The following TNR variants were observed in gnomAD, a reference collection of about 807,000 sequenced individuals.
TNR encodes tenascin R.
TNR carries 45 observed loss-of-function variants against 150.4 expected under a neutral mutation model. The ratio of observed to expected loss-of-function variants is 0.30; its 90% CI spans 0.24 to 0.38. The LOEUF is 0.38. Among genes scored for constraint, TNR ranks in the 10% least tolerant of loss-of-function variants. The pLI is 1.00. For missense variants in TNR, 1,544 were observed against 1,759.1 expected, an observed-to-expected ratio of 0.88 and a Z score of 2.19; for synonymous variants, 687 against 678.4, an observed-to-expected ratio of 1.01 and a Z score of -0.20.
intron 1 of TNR, among the ~76,000 whole-genome samples, chr1:175,694,568 CAATA>C (rs1465579721): frequency 6.6e-6 from 1 of 152,194 alleles, no homozygotes; most frequent in Non-Finnish European, 1.5e-5. Flanking sequence ...ATTGCTGTAA[CAATA>C]AATACCAAAA....
At chr1:175,566,072 C>T (rs1358619180) in intron 1 of TNR, among the ~76,000 whole-genome samples, 2 of 152,136 alleles carry the variant, frequency 1.3e-5, no homozygotes, top group Admixed American at 1.3e-4. Context: ...TTGCTCTATA[C>T]AAGGTCTAAA....
chr1:175,564,186 C>A (rs182915565), intron 1 of TNR, among the ~76,000 whole-genome samples: 1 of 152,358 alleles, frequency 6.6e-6, no homozygotes, highest in African/African-American at 2.4e-5. Flanking sequence ...AGGCACTTGG[C>A]AGCTTATGGA....
At chr1:175,461,516 A>C (rs1011931297) in intron 2 of TNR, among the ~76,000 whole-genome samples, 1 of 152,182 alleles carries the variant, frequency 6.6e-6, no homozygotes, top group Non-Finnish European at 1.5e-5. Flanking sequence ...TTAGTTCTCT[A>C]CTCAAATAAC....
chr1:175,429,162 G>A (rs56949376), intron 2 of TNR, among the ~76,000 whole-genome samples: 9,910 of 152,216 alleles, frequency 0.065, 511 homozygotes, highest in East Asian at 0.25. Context: ...GGGGTTCCTT[G>A]TGTCAAATAA....
intron 1 of TNR, among the ~76,000 whole-genome samples, chr1:175,614,299 C>A (rs1165449054): frequency 4.6e-5 from 7 of 152,130 alleles, no homozygotes; most frequent in Non-Finnish European, 1.0e-4. Context: ...CAAGGCTGAG[C>A]TGATATTGAC....
chr1:175,553,458 T>A (rs11579540), intron 1 of TNR, among the ~76,000 whole-genome samples: 1 of 151,936 alleles, frequency 6.6e-6, no homozygotes, highest in African/African-American at 2.4e-5. Context: ...CGTTTACCAC[T>A]GGGGCCCTAA....
At chr1:175,444,092 A>G (rs1003256816) in intron 2 of TNR, among the ~76,000 whole-genome samples, 1 of 152,204 alleles carries the variant, frequency 6.6e-6, no homozygotes, top group African/African-American at 2.4e-5. Context: ...GGCCCCAGCC[A>G]ACTTCTGAAT....
At chr1:175,341,048 G>T (rs911668930) in intron 18 of TNR, among the ~76,000 whole-genome samples, 3 of 152,178 alleles carry the variant, frequency 2.0e-5, no homozygotes, top group South Asian at 2.1e-4. Context: ...TGCTTTGGGG[G>T]TTATTGGACT....
chr1:175,416,127 T>TAC (rs1202788295), intron 2 of TNR, among the ~76,000 whole-genome samples: 10 of 130,816 alleles, frequency 7.6e-5, no homozygotes, highest in Admixed American at 2.3e-4. Flanking sequence ...TATATATATA[T>TAC]ATACACACAC....
At chr1:175,528,238 T>A (rs944984724) in intron 2 of TNR, 31 bp downstream of exon 2, 1 of 152,232 alleles carries the variant, frequency 6.6e-6, no homozygotes, top group African/African-American at 2.4e-5. Flanking sequence ...GCCATGGGAA[T>A]GATGAATGAT....
At chr1:175,345,400 G>A (rs1273159100) in intron 18 of TNR, among the ~76,000 whole-genome samples, 1 of 152,094 alleles carries the variant, frequency 6.6e-6, no homozygotes, top group Admixed American at 6.5e-5. Context: ...CAACCATTAT[G>A]AGATTGATCA....
intron 1 of TNR, among the ~76,000 whole-genome samples, chr1:175,703,624 A>G (rs550959584): frequency 2.0e-5 from 3 of 152,368 alleles, no homozygotes; most frequent in South Asian, 4.1e-4. Flanking sequence ...CATTTCTTAA[A>G]CTACTAATCA....
At chr1:175,391,241 A>C in intron 7 of TNR, 47 bp downstream of exon 7, 1 of 1,595,718 alleles carries the variant, frequency 6.3e-7, no homozygotes, top group Non-Finnish European at 8.5e-7. Context: ...GTTCTTTTCC[A>C]AGTGACCTAG....
chr1:175,456,605 G>A (rs1656583907), intron 2 of TNR, among the ~76,000 whole-genome samples: 2 of 145,782 alleles, frequency 1.4e-5, no homozygotes, highest in African/African-American at 5.3e-5. Context: ...CAGCCTAAGT[G>A]TACTGAAGAA....
intron 1 of TNR, among the ~76,000 whole-genome samples, chr1:175,741,211 T>C (rs895365886): frequency 6.6e-6 from 1 of 152,230 alleles, no homozygotes; most frequent in African/African-American, 2.4e-5. Context: ...ATTTCCTAGG[T>C]GAGGGAATAT....
intron 2 of TNR, among the ~76,000 whole-genome samples, chr1:175,480,055 A>T (rs2102126843): frequency 6.6e-6 from 1 of 152,106 alleles, no homozygotes; most frequent in East Asian, 1.9e-4. Context: ...GACCACAGGG[A>T]CTTGTCTGCC....
chr1:175,687,298 T>C (rs1039235982), intron 1 of TNR, among the ~76,000 whole-genome samples: 29 of 152,148 alleles, frequency 1.9e-4, no homozygotes, highest in African/African-American at 6.3e-4. Context: ...ACTTTTCTTA[T>C]CTCTTAGAGC....
At position 175,386,188 on chromosome 1, in the gene TNR, C is replaced by T. The variant is rs1218853431; in HGVS notation, c.1621G>A (p.Val541Met). 6.2e-6 allele frequency: 10 copies of T among 1,612,436 alleles called. No homozygotes were observed. The highest frequency in any genetic ancestry group is 8.5e-6 in the Non-Finnish European group (10 of 1,178,684). ...VDFILLKYGL[V>M]GGEGGRTTFR... Reference sequence around the variant, plus strand: ...GTGGTCCTCCCACCTTCCCCGCCCACCAGGCCATATTTCAAAAGAATGAAA... The same window carrying T: ...GTGGTCCTCCCACCTTCCCCGCCCATCAGGCCATATTTCAAAAGAATGAAA... Residue 541 changes from valine (V) to methionine (M), a missense_variant, in exon 8 of 23, where the codon GTG (valine) becomes ATG (methionine). Around this residue, in one of 2 missense-constraint regions of TNR, gnomAD observed 1,254 missense variants for 1,329.4 expected, o/e 0.94. Coordinates refer to ENST00000367674, the MANE Select transcript of TNR (RefSeq NM_003285.3).
At chr1:175,705,217 A>G (rs1666813650) in intron 1 of TNR, among the ~76,000 whole-genome samples, 1 of 152,210 alleles carries the variant, frequency 6.6e-6, no homozygotes, top group Admixed American at 6.5e-5. Flanking sequence ...TTTTCTAGAA[A>G]AGAGCAGGCT....
Sources: gnomAD v4.1 joint callset for allele counts (sites outside exome capture counted in the v4.1 genomes callset) on GRCh38, gnomAD v4.1.1 for gene constraint, gnomAD v4.1.1 regional missense constraint, MANE v1.5 for transcripts, NCBI Gene and HGNC (gene_info 2026-07-23, HGNC 2026-07-21) for gene names.